LMX1A: variants seen among roughly 807,000 people sequenced by gnomAD.
LMX1A encodes LIM homeobox transcription factor 1-alpha.
Under a neutral mutation model 49.1 loss-of-function variants are expected in LMX1A, and 15 were observed. That is an observed-to-expected ratio of 0.31 (90% CI 0.20 to 0.47). The LOEUF (loss-of-function observed/expected upper bound fraction) is 0.47. Ranked by LOEUF, LMX1A falls within the 20% of genes least tolerant of loss-of-function variation. The probability of loss-of-function intolerance (pLI) is 1.00; values close to 1 mark genes in which losing one functional copy is unlikely to be tolerated. For missense variants in LMX1A, 372 were observed against 475.8 expected, an observed-to-expected ratio of 0.78 and a Z score of 2.03; for synonymous variants, 167 against 185.7, an observed-to-expected ratio of 0.90 and a Z score of 0.82.
intron 3 of LMX1A, among the ~76,000 whole-genome samples, chr1:165,271,865 A>G (rs916593194): frequency 2.0e-5 from 3 of 152,204 alleles, no homozygotes; most frequent in Admixed American, 6.5e-5. Flanking sequence ...AAGACTGTCT[A>G]TAAGAATGCA....
intron 3 of LMX1A, among the ~76,000 whole-genome samples, chr1:165,351,501 A>G (rs1293566517): frequency 6.6e-6 from 1 of 152,230 alleles, no homozygotes; most frequent in Non-Finnish European, 1.5e-5. Context: ...TCTCTCAAAA[A>G]TGTTATCCAT....
chr1:165,285,463 C>A (rs1654277545), intron 3 of LMX1A, among the ~76,000 whole-genome samples: 1 of 152,234 alleles, frequency 6.6e-6, no homozygotes, highest in Admixed American at 6.5e-5. Flanking sequence ...CTCAGAGATG[C>A]TGCACACCTT....
chr1:165,238,127 C>A (rs1207076252), intron 4 of LMX1A, among the ~76,000 whole-genome samples: 1 of 152,150 alleles, frequency 6.6e-6, no homozygotes, highest in African/African-American at 2.4e-5. Flanking sequence ...TCATCATTGC[C>A]ACTGGAAAAA....
rs34305063 is a variant in LMX1A, at chr1:165,290,441, C to CGTGTGT, written c.264-40807_264-40802dup. ...TCTCTGCCTGTCTTCACATTGCCTT[C>CGTGTGT]GTGTGTGTGTGTGTGTGTGTGTGTT... On this transcript the variant is annotated intron_variant, in intron 3 of 8. Coordinates refer to ENST00000342310, the MANE Select transcript of LMX1A (RefSeq NM_177398.4). 2.9e-3 allele frequency among the ~76,000 whole-genome samples: 441 copies of CGTGTGT among 149,968 alleles called. 1 individual carries two copies. Among genetic ancestry groups the CGTGTGT allele is most frequent in the African/African-American group, 4.4e-3 (180 of 40,914 alleles).
intron 1 of LMX1A, chr1:165,356,024 T>A (rs1434102917): frequency 1.3e-5 from 2 of 156,132 alleles, no homozygotes; most frequent in African/African-American, 4.8e-5. Context: ...CGCGGGACGA[T>A]GGGGTTTGCA....
intron 3 of LMX1A, among the ~76,000 whole-genome samples, chr1:165,281,278 C>G (rs1654139909): frequency 6.6e-6 from 1 of 152,182 alleles, no homozygotes. Flanking sequence ...CTTGAATTTC[C>G]TACATGTGGC....
At chr1:165,288,005 G>T (rs79149842) in intron 3 of LMX1A, among the ~76,000 whole-genome samples, 1 of 152,128 alleles carries the variant, frequency 6.6e-6, no homozygotes, top group Admixed American at 6.5e-5. Context: ...TGTGAAAACC[G>T]AATAATAAAA....
chr1:165,256,019 C>T (rs1168009463), intron 3 of LMX1A, among the ~76,000 whole-genome samples: 1 of 152,122 alleles, frequency 6.6e-6, no homozygotes, highest in African/African-American at 2.4e-5. Flanking sequence ...AGAACACTTC[C>T]TCCGCAGCAT....
intron 3 of LMX1A, among the ~76,000 whole-genome samples, chr1:165,285,454 T>C (rs1654277351): frequency 6.6e-6 from 1 of 152,246 alleles, no homozygotes; most frequent in African/African-American, 2.4e-5. Context: ...CAGTGACAGC[T>C]CAGAGATGCT....
At chr1:165,344,554 G>A (rs1446879769) in intron 3 of LMX1A, among the ~76,000 whole-genome samples, 1 of 152,204 alleles carries the variant, frequency 6.6e-6, no homozygotes, top group Admixed American at 6.5e-5. Context: ...TTGGAAAGGA[G>A]GCTGAAATAA....
intron 4 of LMX1A, 99 bp downstream of exon 4, chr1:165,249,309 G>A: frequency 1.3e-6 from 1 of 785,636 alleles, no homozygotes; most frequent in Non-Finnish European, 2.2e-6. Flanking sequence ...GAGCTAGGCT[G>A]CCCTGGAGGC....
intron 3 of LMX1A, among the ~76,000 whole-genome samples, chr1:165,346,518 G>C (rs1334549933): frequency 6.6e-6 from 1 of 152,196 alleles, no homozygotes; most frequent in Admixed American, 6.5e-5. Context: ...AGATGATTTG[G>C]TTGCCTTGGT....
Position 165,208,094 on chromosome 1 carries a change from T to TTGCTGC in LMX1A, c.780_785dup (p.Gln261_Gln262dup), listed in dbSNP as rs144665555. ...TCAGCCTCTGGGTGTTCTGCTGATC[T>TTGCTGC]TGCTGCTGCTGCTGCTGTCGCCTGG... On this transcript the variant is annotated inframe_insertion, in exon 7 of 9. Transcript: ENST00000342310. The TTGCTGC allele has an allele frequency of 1.9e-6, 3 of 1,612,984 alleles. No individual in the cohort carries two copies. Among genetic ancestry groups the TTGCTGC allele is most frequent in the Admixed American group, 1.7e-5 (1 of 59,980 alleles).
chr1:165,281,977 G>A (rs918107601), intron 3 of LMX1A, among the ~76,000 whole-genome samples: 1 of 152,132 alleles, frequency 6.6e-6, no homozygotes, highest in Admixed American at 6.5e-5. Context: ...GGTGTGAAAT[G>A]GCCAACTGTG....
At chr1:165,317,392 C>T (rs1415024989) in intron 3 of LMX1A, among the ~76,000 whole-genome samples, 1 of 152,178 alleles carries the variant, frequency 6.6e-6, no homozygotes, top group African/African-American at 2.4e-5. Flanking sequence ...TTACCCTTCT[C>T]TTTGTATTAG....
At chr1:165,255,391 G>T (rs1653201189) in intron 3 of LMX1A, among the ~76,000 whole-genome samples, 1 of 152,204 alleles carries the variant, frequency 6.6e-6, no homozygotes, top group Admixed American at 6.5e-5. Flanking sequence ...TTGCACAGCT[G>T]CAAGCTATAA....
intron 3 of LMX1A, among the ~76,000 whole-genome samples, chr1:165,265,691 A>ATTTAGACTTCAGCCC (rs1653600575): frequency 6.6e-6 from 1 of 152,226 alleles, no homozygotes; most frequent in Non-Finnish European, 1.5e-5. Flanking sequence ...ATGTAGTGCT[A>ATTTAGACTTCAGCCC]TTTAGACTTC....
chr1:165,300,123 C>T (rs543727723), intron 3 of LMX1A, among the ~76,000 whole-genome samples: 12 of 152,066 alleles, frequency 7.9e-5, no homozygotes, highest in Middle Eastern at 3.4e-3. Context: ...TGCCCCCCAA[C>T]GAGTGGTCCC....
In LMX1A at chr1:165,249,442, C is replaced by T. The variant is rs9970062; in HGVS notation, c.462G>A (p.Leu154=). 0.27 allele frequency: 440,956 copies of T among 1,613,472 alleles called. 62,543 individuals carry two copies. Among genetic ancestry groups the T allele is most frequent in the Middle Eastern group, 0.34 (2,090 of 6,060 alleles). ...CKGDYEKERE[L]LSLVSPAASD... is the part of the protein sequence containing the mutation. Reference sequence around the variant, plus strand: ...AGGCTGCTGGGCTCACCAGGCTGAGCAGCTCCCGCTCCTTCTCATAGTCCC... The same window carrying T: ...AGGCTGCTGGGCTCACCAGGCTGAGTAGCTCCCGCTCCTTCTCATAGTCCC... Residue 154 remains leucine, a synonymous_variant, in exon 4 of 9, where the codon CTG becomes CTA. Coordinates refer to ENST00000342310, the MANE Select transcript of LMX1A (RefSeq NM_177398.4).
Sources: gnomAD v4.1 joint callset for allele counts (sites outside exome capture counted in the v4.1 genomes callset) on GRCh38, gnomAD v4.1.1 for gene constraint, MANE v1.5 for transcripts, NCBI Gene and HGNC (gene_info 2026-07-23, HGNC 2026-07-21) for gene names.